Variants in TOX2 observed in about 807,000 individuals in gnomAD.
TOX2 encodes granulosa cell HMG box 1.
Under a neutral mutation model 47.4 loss-of-function variants are expected in TOX2, and 15 were observed. The ratio of observed to expected loss-of-function variants is 0.32; its 90% CI spans 0.21 to 0.49. The LOEUF (loss-of-function observed/expected upper bound fraction) is 0.49, where lower values mean the gene tolerates loss of function less well. Ranked by LOEUF, TOX2 falls within the 20% of genes least tolerant of loss-of-function variation. TOX2 has a pLI of 0.99. For missense variants in TOX2, 622 were observed against 673.1 expected, an observed-to-expected ratio of 0.92 and a Z score of 0.84; for synonymous variants, 290 against 296.6, an observed-to-expected ratio of 0.98 and a Z score of 0.23.
intron 3 of TOX2, among the ~76,000 whole-genome samples, chr20:44,033,819 C>G (rs1279046960): frequency 6.6e-6 from 1 of 152,208 alleles, no homozygotes; most frequent in Non-Finnish European, 1.5e-5. Flanking sequence ...GCTGTTCTTG[C>G]TCCTGCAACG....
At chr20:43,972,936 A>C (rs1230546538) in intron 1 of TOX2, among the ~76,000 whole-genome samples, 2 of 152,232 alleles carry the variant, frequency 1.3e-5, no homozygotes, top group East Asian at 3.9e-4. Context: ...GAAGGCTGTC[A>C]TGATCCCAAG....
intron 2 of TOX2, among the ~76,000 whole-genome samples, chr20:43,994,275 G>C (rs973642918): frequency 2.0e-5 from 3 of 150,374 alleles, no homozygotes; most frequent in African/African-American, 7.4e-5. Flanking sequence ...GACCAGCCTG[G>C]GCAGCATGGC....
intron 4 of TOX2, among the ~76,000 whole-genome samples, chr20:44,053,609 C>CAT (rs72355643): frequency 0.74 from 109,310 of 147,792 alleles, 40,587 homozygotes; most frequent in African/African-American, 0.8. Flanking sequence ...CATATATATA[C>CAT]ATATACACAC....
intron 3 of TOX2, among the ~76,000 whole-genome samples, chr20:44,013,555 GGTCTT>G (rs2145625081): frequency 6.6e-6 from 1 of 152,308 alleles, no homozygotes; most frequent in Non-Finnish European, 1.5e-5. Context: ...TTTTTGGTTT[GGTCTT>G]GTCTTATGAA....
chr20:44,063,338 C>G (rs2071753820), intron 5 of TOX2, among the ~76,000 whole-genome samples: 1 of 152,024 alleles, frequency 6.6e-6, no homozygotes, highest in Non-Finnish European at 1.5e-5. Flanking sequence ...AGAGAATTCT[C>G]AAAAGAAAAT....
intron 2 of TOX2, among the ~76,000 whole-genome samples, chr20:43,997,177 G>A (rs1425179928): frequency 6.6e-6 from 1 of 152,148 alleles, no homozygotes; most frequent in East Asian, 1.9e-4. Context: ...AGTCAAAATG[G>A]CAGCCTGAGA....
At position 44,034,367 on chromosome 20, in the gene TOX2, C is replaced by T. The variant is rs369197838; in HGVS notation, c.412-16939C>T. On this transcript the variant is annotated intron_variant, in intron 3 of 8. Coordinates refer to ENST00000341197, the MANE Select transcript of TOX2 (RefSeq NM_001098797.2). ...GTTTAAAATTGTGGGGTCATTTCTG[C>T]CTCCCCCACCAGAATGTGCACTCCT... is the stretch of plus-strand genomic sequence containing the variant. 4.6e-4 allele frequency among the ~76,000 whole-genome samples: 70 copies of T among 152,314 alleles called. No individual in the cohort carries two copies. The Middle Eastern group carries it at 0.01, about 22-fold the overall frequency.
chr20:43,988,540 G>C (rs141826452), intron 2 of TOX2, among the ~76,000 whole-genome samples: 2 of 152,358 alleles, frequency 1.3e-5, no homozygotes, highest in African/African-American at 4.8e-5. Context: ...TCTTGGGCTA[G>C]TGTGAGCAAT....
At chr20:44,046,998 T>C (rs986706646) in intron 3 of TOX2, among the ~76,000 whole-genome samples, 18 of 152,244 alleles carry the variant, frequency 1.2e-4, no homozygotes, top group South Asian at 4.1e-4. Context: ...CTGGGAGTCA[T>C]GGTCTCTGAT....
chr20:43,966,382 A>G (rs2069853741), intron 1 of TOX2, among the ~76,000 whole-genome samples: 1 of 152,200 alleles, frequency 6.6e-6, no homozygotes, highest in African/African-American at 2.4e-5. Flanking sequence ...AGCCAGAAAT[A>G]AAGAAGGGCC....
intron 1 of TOX2, among the ~76,000 whole-genome samples, chr20:43,963,834 G>A (rs1225688448): frequency 1.3e-5 from 2 of 152,080 alleles, no homozygotes; most frequent in African/African-American, 4.8e-5. Flanking sequence ...GTGGGCACAG[G>A]CATCGAGGGT....
At chr20:43,935,797 C>G (rs2069319193) in intron 1 of TOX2, among the ~76,000 whole-genome samples, 2 of 151,902 alleles carry the variant, frequency 1.3e-5, no homozygotes, top group Non-Finnish European at 2.9e-5. Context: ...TGTGGTGGTG[C>G]ATGCCTGTAA....
chr20:44,054,263 GCTT>G, intron 4 of TOX2, 33 bp from the exon 5 acceptor site: 1 of 1,571,072 alleles, frequency 6.4e-7, no homozygotes, highest in Non-Finnish European at 8.6e-7. Flanking sequence ...AGGCCCTTGG[GCTT>G]CTTTGGTTTT....
chr20:44,024,159 G>T (rs150919734), intron 3 of TOX2, among the ~76,000 whole-genome samples: 185 of 152,218 alleles, frequency 1.2e-3, no homozygotes, highest in African/African-American at 4.2e-3. Flanking sequence ...GCTCTATACG[G>T]TTATTACCAT....
At chr20:43,963,639 G>A (rs12626167) in intron 1 of TOX2, among the ~76,000 whole-genome samples, 17,347 of 152,200 alleles carry the variant, frequency 0.11, 1,134 homozygotes, top group African/African-American at 0.18. Context: ...GGCAGAATAC[G>A]AATGTGCGTT....
chr20:43,981,044 G>A (rs1246033135), intron 2 of TOX2, among the ~76,000 whole-genome samples: 1 of 152,140 alleles, frequency 6.6e-6, no homozygotes, highest in Non-Finnish European at 1.5e-5. Flanking sequence ...TGAACCAATA[G>A]TTTACAGAAA....
chr20:44,006,257 G>T (rs1322227961), intron 2 of TOX2, among the ~76,000 whole-genome samples: 5 of 152,310 alleles, frequency 3.3e-5, no homozygotes, highest in Admixed American at 1.3e-4. Context: ...GTGATGGCCA[G>T]ATCTGGTGGG....
At chr20:43,928,616 G>T (rs953039962) in intron 1 of TOX2, among the ~76,000 whole-genome samples, 1 of 152,192 alleles carries the variant, frequency 6.6e-6, no homozygotes, top group African/African-American at 2.4e-5. Flanking sequence ...TTTTTCATCT[G>T]CCTATGGCCA....
At chr20:44,057,006 C>T (rs1194468843) in intron 5 of TOX2, among the ~76,000 whole-genome samples, 1 of 152,184 alleles carries the variant, frequency 6.6e-6, no homozygotes, top group Non-Finnish European at 1.5e-5. Flanking sequence ...AACTCCTGGG[C>T]TCAAGCAATT....
Sources: allele counts gnomAD v4.1 joint callset (sites outside exome capture counted in the v4.1 genomes callset), GRCh38; gene constraint gnomAD v4.1.1; transcripts MANE v1.5; gene names NCBI Gene and HGNC (gene_info 2026-07-23, HGNC 2026-07-21).